Variants in SMAD2 observed in about 807,000 individuals in gnomAD.
SMAD2 encodes SMAD family member 2.
In SMAD2, 8 loss-of-function variants were observed where a neutral mutation model predicts 64.4. The ratio of observed to expected loss-of-function variants is 0.12; its 90% confidence interval spans 0.07 to 0.22. The LOEUF is 0.22. Ranked by LOEUF, SMAD2 falls within the 10% of genes least tolerant of loss-of-function variation. The pLI, the probability that SMAD2 is intolerant of heterozygous loss-of-function variation, is 1.00. For missense variants in SMAD2, 289 were observed against 561.2 expected (o/e 0.51, Z 4.90); for synonymous variants, 203 against 195.8 (o/e 1.04, Z -0.31).
At position 47,835,279 on chromosome 18, in the gene SMAD2, T is replaced by C. The variant is rs1433453405; in HGVS notation, c.*6548A>G. 4.7e-6 allele frequency: 1 copy of C among 212,298 alleles called. No individual in the cohort carries two copies. Among genetic ancestry groups the C allele is most frequent in the Non-Finnish European group, 9.5e-6 (1 of 104,782 alleles). The allele number at this position is 212,298 out of a possible 1,614,324, so 13.2% of individuals were successfully genotyped here. ...TCAAACAGTTGGGTTTTTAAAAAAA[T>C]TCAAAACTCATGCATGTTACCTACT... On this transcript the variant is annotated 3_prime_UTR_variant, in exon 11 of 11. Transcript: ENST00000262160.
chr18:47,856,572 C>G (rs1266764946), intron 6 of SMAD2, among the ~76,000 whole-genome samples: 2 of 152,188 alleles, frequency 1.3e-5, no homozygotes, highest in Non-Finnish European at 2.9e-5. Flanking sequence ...AATATGATCA[C>G]TAGTCATATT....
chr18:47,850,194 TAGTATATATATATTATTATATA>T (rs1418829630), intron 7 of SMAD2, among the ~76,000 whole-genome samples: 1 of 96,478 alleles, frequency 1.0e-5, no homozygotes, highest in Non-Finnish European at 1.9e-5. Context: ...ATATTATATA[TAGTATATATATATTATTATATA>T]TATGTATAAT....
At chr18:47,874,351 A>C (rs1026631300) in intron 2 of SMAD2, among the ~76,000 whole-genome samples, 4 of 152,224 alleles carry the variant, frequency 2.6e-5, no homozygotes, top group Admixed American at 6.5e-5. Context: ...ACGAAGCTCT[A>C]GAAGTGGCAG....
chr18:47,850,443 AAT>A lies in SMAD2; in HGVS notation c.784+829_784+830del, dbSNP rs1491360061. ...ATAATATATTATATATATTATGTAT[AAT>A]ATATATTATATATTATACATAATAT... On this transcript the variant is annotated intron_variant, in intron 7 of 10. Transcript: ENST00000262160. 3.8e-4 allele frequency among the ~76,000 whole-genome samples: 9 copies of A among 23,982 alleles called. 2 individuals carry two copies. Among genetic ancestry groups the A allele is most frequent in the Non-Finnish European group, 5.2e-4 (8 of 15,264 alleles). The allele number at this position is 23,982 out of a possible 152,430, so 15.7% of individuals were successfully genotyped here.
chr18:47,883,921 G>T (rs1239094568), intron 2 of SMAD2, among the ~76,000 whole-genome samples: 8 of 152,064 alleles, frequency 5.3e-5, no homozygotes, highest in Non-Finnish European at 1.2e-4. Flanking sequence ...TTCCCCTTCT[G>T]CCTCGAATCT....
rs1194367911 is a variant in SMAD2, at chr18:47,830,482, C to T, written c.*11345G>A. ...ATCCCAGCTACTCAGGAGGCTAAGG[C>T]AGGAGAATCACTTGAACCCAGGAGG... On this transcript the variant is annotated 3_prime_UTR_variant, in exon 11 of 11. Transcript: ENST00000262160. The T allele has an allele frequency of 1.3e-5, 2 of 149,342 alleles. No individual in the cohort carries two copies. The highest frequency in any genetic ancestry group is 3.0e-5 in the Non-Finnish European group (2 of 67,768). The allele number at this position is 149,342 out of a possible 1,614,324, so 9.3% of individuals were successfully genotyped here. A position where few individuals can be genotyped will look rare whatever the true frequency, so the allele number is the denominator to read the frequency against.
chr18:47,874,929 TA>T (rs1310630175), intron 2 of SMAD2, among the ~76,000 whole-genome samples: 1 of 152,136 alleles, frequency 6.6e-6, no homozygotes, highest in Non-Finnish European at 1.5e-5. Flanking sequence ...TGCCAGAGAA[TA>T]AAATGCAAGT....
intron 1 of SMAD2, among the ~76,000 whole-genome samples, chr18:47,917,044 G>A (rs763330823): frequency 3.3e-5 from 5 of 151,764 alleles, no homozygotes; most frequent in African/African-American, 7.3e-5. Flanking sequence ...TTGTTGAGAC[G>A]GAGTCTCGCT....
At chr18:47,853,202 C>G (rs1323468454) in intron 6 of SMAD2, 5 of 207,132 alleles carry the variant, frequency 2.4e-5, no homozygotes, top group Non-Finnish European at 3.7e-5. Context: ...TGGTGGCATA[C>G]ACCTGTAATC....
intron 2 of SMAD2, among the ~76,000 whole-genome samples, chr18:47,883,776 C>T (rs1792670): frequency 0.53 from 80,826 of 152,014 alleles, 22,151 homozygotes; most frequent in East Asian, 0.82. Flanking sequence ...CTTTAAGATT[C>T]CCTCTTTCAT....
intron 7 of SMAD2, among the ~76,000 whole-genome samples, chr18:47,850,604 T>C (rs1406738964): frequency 3.3e-5 from 2 of 60,416 alleles, no homozygotes; most frequent in Non-Finnish European, 5.3e-5. Flanking sequence ...ATATATTATG[T>C]ATAATATATA....
chr18:47,852,772 A>G (rs2030247133), intron 6 of SMAD2, among the ~76,000 whole-genome samples: 1 of 152,130 alleles, frequency 6.6e-6, no homozygotes, highest in South Asian at 2.1e-4. Flanking sequence ...TAAACAGGCT[A>G]AATCTAATCA....
chr18:47,889,946 C>T (rs978741431), intron 2 of SMAD2, among the ~76,000 whole-genome samples: 1 of 152,054 alleles, frequency 6.6e-6, no homozygotes, highest in African/African-American at 2.4e-5. Flanking sequence ...GATAAAATTA[C>T]AGAAATTGAT....
At chr18:47,868,981 C>T (rs775362189) in intron 4 of SMAD2, among the ~76,000 whole-genome samples, 2 of 152,118 alleles carry the variant, frequency 1.3e-5, no homozygotes, top group African/African-American at 4.8e-5. Context: ...ATCAGCATAG[C>T]GCTGAGCAGA....
At chr18:47,873,689 A>G (rs1455926480) in intron 2 of SMAD2, among the ~76,000 whole-genome samples, 4 of 152,190 alleles carry the variant, frequency 2.6e-5, no homozygotes, top group African/African-American at 9.6e-5. Context: ...AAAATAATCA[A>G]CTATTTGAAA....
intron 6 of SMAD2, among the ~76,000 whole-genome samples, chr18:47,859,860 T>C (rs2031026739): frequency 6.6e-6 from 1 of 152,176 alleles, no homozygotes; most frequent in Non-Finnish European, 1.5e-5. Context: ...ATTACTAACA[T>C]TATAAATTTT....
rs2031776830 is a variant in SMAD2 at position 47,869,183 on chromosome 18, A to G, written c.520+60T>C. On this transcript the variant is annotated intron_variant, in intron 4 of 10. Transcript: ENST00000262160. The stretch of plus-strand genomic sequence containing the variant: ...TTTTCCTGGGTCACAAGAGTACTTA[A>G]ATATACTGAAGTTCAGGCATTTAAT... The G allele has an allele frequency of 6.4e-6, 8 of 1,252,858 alleles. No individual in the cohort carries two copies. In the East Asian group the frequency reaches 1.9e-4, roughly 29 times the overall value. 77.6% of individuals were successfully genotyped at this position (1,252,858 alleles called of 1,614,324 possible).
At chr18:47,880,219 A>G (rs1230624951) in intron 2 of SMAD2, among the ~76,000 whole-genome samples, 3 of 152,164 alleles carry the variant, frequency 2.0e-5, no homozygotes, top group Non-Finnish European at 4.4e-5. Context: ...TTCTCTGTTT[A>G]CCCCCAAGTC....
At chr18:47,909,110 G>C (rs1244521176) in intron 1 of SMAD2, among the ~76,000 whole-genome samples, 4 of 151,886 alleles carry the variant, frequency 2.6e-5, no homozygotes, top group African/African-American at 9.7e-5. Context: ...TGCCACTGCA[G>C]CTAGGCCAAC....
Sources: gnomAD v4.1 joint callset for allele counts (sites outside exome capture counted in the v4.1 genomes callset) on GRCh38, gnomAD v4.1.1 for gene constraint, MANE v1.5 for transcripts, NCBI Gene and HGNC (gene_info 2026-07-23, HGNC 2026-07-21) for gene names.